The following MESD variants were observed in gnomAD, a reference collection of about 807,000 sequenced individuals.
The protein encoded by MESD is mesoderm development LRP chaperone.
In MESD, 7 loss-of-function variants were observed where a neutral mutation model predicts 12.9. That is an observed-to-expected ratio of 0.54 (90% CI 0.31 to 1.02). The LOEUF (loss-of-function observed/expected upper bound fraction) is 1.02. MESD is among the 50% of genes least tolerant of loss of function. The pLI is 0.05. For missense variants in MESD, 342 were observed against 296.7 expected, an observed-to-expected ratio of 1.15 and a Z score of -1.12; for synonymous variants, 126 against 115.6, an observed-to-expected ratio of 1.09 and a Z score of -0.58.
chr15:80,948,057 A>T (rs1375772172), exon 5 of MESD: 1 of 153,442 alleles, frequency 6.5e-6, no homozygotes, highest in African/African-American at 2.4e-5. Flanking sequence ...TATCCTTTCC[A>T]GCCCAGTCCT....
exon 5 of MESD, chr15:80,947,335 A>G (rs1016578291): frequency 1.8e-5 from 8 of 455,920 alleles, no homozygotes; most frequent in African/African-American, 5.9e-5. Context: ...ATTTGCTTGG[A>G]AAGTGGCCCT....
chr15:80,969,336 C>G (rs960093857), intron 3 of MESD, among the ~76,000 whole-genome samples: 3 of 152,172 alleles, frequency 2.0e-5, no homozygotes, highest in Non-Finnish European at 2.9e-5. Flanking sequence ...AATATTCAAC[C>G]TGTAAATACC....
At chr15:80,961,139 T>C (rs148262847) in intron 3 of MESD, among the ~76,000 whole-genome samples, 14 of 152,240 alleles carry the variant, frequency 9.2e-5, no homozygotes, top group Admixed American at 7.8e-4. Flanking sequence ...CTACTCCTTG[T>C]TGGGATCCCT....
At chr15:80,989,519 G>A in intron 1 of MESD, 60 bp downstream of exon 1, 2 of 1,549,200 alleles carry the variant, frequency 1.3e-6, no homozygotes, top group Non-Finnish European at 1.8e-6. Context: ...CAGGTAAGGG[G>A]TCATAGGGAA....
exon 5 of MESD, chr15:80,948,596 G>A: frequency 1.4e-6 from 1 of 690,536 alleles, no homozygotes; most frequent in Non-Finnish European, 2.5e-6. Context: ...AGGCTCAGGT[G>A]AGACCCTGCC....
chr15:80,963,615 A>G (rs1327291829), intron 3 of MESD, among the ~76,000 whole-genome samples: 1 of 152,248 alleles, frequency 6.6e-6, no homozygotes, highest in African/African-American at 2.4e-5. Context: ...GCAGCACATC[A>G]GAAAGTTTAT....
intron 3 of MESD, among the ~76,000 whole-genome samples, chr15:80,969,459 C>T (rs550624738): frequency 6.6e-6 from 1 of 152,122 alleles, no homozygotes; most frequent in South Asian, 2.1e-4. Context: ...CAACACTTGG[C>T]ACATGGGTCT....
At position 80,989,749 on chromosome 15, in the gene MESD, A is replaced by T; in HGVS notation, c.43T>A (p.Cys15Ser). 1 of 1,602,364 alleles carries T rather than the reference A, an allele frequency of 6.2e-7. No homozygotes were observed. The highest frequency in any genetic ancestry group is 8.5e-7 in the Non-Finnish European group (1 of 1,179,424). Residue 15 changes from cysteine to serine, a missense_variant, in exon 1 of 3, where the codon TGT (cysteine) becomes AGT (serine). Transcript: ENST00000261758. ...AGCAGCAGCAGCAGGTCAGAGGCAC[A>T]AAGCAGGACCACGGCCTTGCGCGCC... ...RWARKAVVLLCASDLLLLLLL... is the reference protein window; with the variant it reads ...RWARKAVVLLSASDLLLLLLL...
chr15:80,975,473 T>C (rs1248977310), downstream of MESD, among the ~76,000 whole-genome samples: 3 of 152,090 alleles, frequency 2.0e-5, no homozygotes, highest in African/African-American at 4.8e-5. Flanking sequence ...TGTCCAAGCA[T>C]AAAGGCGGAC....
chr15:80,979,287 C>T lies in MESD; in HGVS notation c.637G>A (p.Glu213Lys). Residue 213 changes from glutamate (E) to lysine (K), a missense_variant, in exon 3 of 3, where the codon GAA becomes AAA. Physicochemically the swap from Glu to Lys is moderately conservative, Grantham distance 56 (BLOSUM62 1). Coordinates refer to ENST00000261758, the MANE Select transcript of MESD (RefSeq NM_015154.3). Reference sequence around the variant, plus strand: ...GAAGACCGAGATTTCAGATCTCCTTCCTTCTTTTTTTTGCCCTTGTCTTGC... The same window carrying T: ...GAAGACCGAGATTTCAGATCTCCTTTCTTCTTTTTTTTGCCCTTGTCTTGC... ...TKQDKGKKKKEGDLKSRSSKE... is the reference protein window; with the variant it reads ...TKQDKGKKKKKGDLKSRSSKE... The T allele has an allele frequency of 6.2e-7, 1 of 1,614,096 alleles. No individual in the cohort carries two copies. The highest frequency in any genetic ancestry group is 1.1e-5 in the South Asian group (1 of 91,088).
rs989345606 is a variant in MESD, at chr15:80,981,804, G to A, written c.446+146C>T. ...AGGGAGGCGGAGGTTGCAGTGAGCCGAGATCACGCCGCTGCACTCCAGCCT... is the reference window on the plus strand; with the variant it reads ...AGGGAGGCGGAGGTTGCAGTGAGCCAAGATCACGCCGCTGCACTCCAGCCT... On this transcript the variant is annotated intron_variant, in intron 2 of 2. Transcript: ENST00000261758. The A allele has an allele frequency of 5.0e-5, 32 of 634,660 alleles. No homozygotes were observed. The Middle Eastern group carries it at 1.3e-3, about 25-fold the overall frequency. 39.3% of individuals were successfully genotyped at this position (634,660 alleles called of 1,614,324 possible).
Position 80,977,801 on chromosome 15 carries a change from G to A in MESD, c.*1418C>T, listed in dbSNP as rs1902457946. ...CTCCCGCTCCAGGTTCAAGATGCAG[G>A]AGGAACAAGAAAAGCCTCTTTCAGG... On this transcript the variant is annotated 3_prime_UTR_variant, in exon 3 of 3. Coordinates refer to ENST00000261758, the MANE Select transcript of MESD (RefSeq NM_015154.3). The A allele has an allele frequency of 6.6e-6, 1 of 152,266 alleles. No individual in the cohort carries two copies. 9.4% of individuals were successfully genotyped at this position (152,266 alleles called of 1,614,324 possible). A position where few individuals can be genotyped will look rare whatever the true frequency, so the allele number is the denominator to read the frequency against.
chr15:80,975,166 G>A (rs544921094), downstream of MESD, among the ~76,000 whole-genome samples: 315 of 147,984 alleles, frequency 2.1e-3, 2 homozygotes, highest in African/African-American at 7.4e-3. Flanking sequence ...AGGATTGCTT[G>A]AGGACCAGCC....
chr15:80,968,162 G>A (rs1162233898), intron 3 of MESD, among the ~76,000 whole-genome samples: 2 of 152,250 alleles, frequency 1.3e-5, no homozygotes, highest in South Asian at 2.1e-4. Context: ...CCTGAGAGCA[G>A]GTCCTCAGCC....
chr15:80,989,688 T>C lies in MESD; in HGVS notation c.104A>G (p.Glu35Gly). ...CTCGTCGGGCGTCCCGGGCGAGCCT[T>C]CGGCCGCGCAGGACCCAGGCGGTGG... ...LLPPPGSCAA[E>G]GSPGTPDEST... The change falls in exon 1 of 3, where the codon GAA becomes GGA. Residue 35 changes from glutamate to glycine, a missense_variant. Transcript: ENST00000261758. 3 of 1,612,776 alleles carry C rather than the reference T, an allele frequency of 1.9e-6. 1 individual carries two copies. The highest frequency in any genetic ancestry group is 2.2e-5 in the South Asian group (2 of 91,076).
chr15:80,954,919 A>G (rs900734741), intron 3 of MESD, among the ~76,000 whole-genome samples: 31 of 152,298 alleles, frequency 2.0e-4, no homozygotes, highest in Non-Finnish European at 2.9e-4. Flanking sequence ...TCTCCTTCCA[A>G]TGTGGCCCAG....
intron 3 of MESD, among the ~76,000 whole-genome samples, chr15:80,956,199 TAATAA>T (rs541746197): frequency 3.3e-5 from 5 of 151,712 alleles, no homozygotes; most frequent in African/African-American, 7.3e-5. Flanking sequence ...AAAAAAATAA[TAATAA>T]AATAAAATAA....
chr15:80,964,805 C>T (rs572059725), intron 3 of MESD, among the ~76,000 whole-genome samples: 2 of 152,272 alleles, frequency 1.3e-5, no homozygotes, highest in African/African-American at 4.8e-5. Flanking sequence ...AAAATTAACT[C>T]AAGATGGATT....
chr15:80,979,613 C>T, intron 2 of MESD, 136 bp from the exon 3 acceptor site: 2 of 950,490 alleles, frequency 2.1e-6, no homozygotes, highest in Non-Finnish European at 3.0e-6. Context: ...TTTCCAAAGC[C>T]TAGCAGCTAC....
Sources: allele counts gnomAD v4.1 joint callset (sites outside exome capture counted in the v4.1 genomes callset), GRCh38; gene constraint gnomAD v4.1.1; transcripts MANE v1.5; gene names NCBI Gene and HGNC (gene_info 2026-07-23, HGNC 2026-07-21).